RGS21: variants seen among roughly 807,000 people sequenced by gnomAD.
The protein encoded by RGS21 is regulator of G protein signaling 21.
A neutral mutation model predicts 18.7 loss-of-function variants in RGS21; 19 were observed. The observed-to-expected ratio is 1.01, with a 90% CI of 0.71 to 1.49. The LOEUF is 1.49. Ranked by LOEUF, RGS21 falls within the 40% of genes most tolerant of loss-of-function variation. The probability of loss-of-function intolerance (pLI) is 0.00; values close to 1 mark genes in which losing one functional copy is unlikely to be tolerated. For missense variants in RGS21, 194 were observed against 176.8 expected, an observed-to-expected ratio of 1.10 and a Z score of -0.55; for synonymous variants, 56 against 57.8, an observed-to-expected ratio of 0.97 and a Z score of 0.14.
intron 4 of RGS21, among the ~76,000 whole-genome samples, chr1:192,356,777 C>T (rs1229909773): frequency 1.3e-5 from 2 of 151,668 alleles, no homozygotes; most frequent in Non-Finnish European, 3.0e-5. Flanking sequence ...TTAAATACCA[C>T]TTCCTCTATA....
intron 4 of RGS21, among the ~76,000 whole-genome samples, chr1:192,354,108 A>C (rs759181307): frequency 2.0e-5 from 3 of 151,730 alleles, no homozygotes; most frequent in Non-Finnish European, 3.0e-5. Flanking sequence ...TCTATAGTTC[A>C]TCAGTTATGT....
At chr1:192,360,778 C>T (rs1341194250) in intron 4 of RGS21, among the ~76,000 whole-genome samples, 13 of 152,110 alleles carry the variant, frequency 8.5e-5, no homozygotes, top group Admixed American at 8.5e-4. Context: ...GTTTACCATT[C>T]CATGTGCAAG....
chr1:192,332,205 A>G (rs1658667679), intron 1 of RGS21, among the ~76,000 whole-genome samples: 1 of 152,166 alleles, frequency 6.6e-6, no homozygotes, highest in Admixed American at 6.5e-5. Context: ...AACTCAGTAA[A>G]TGAAAAAAGA....
intron 1 of RGS21, among the ~76,000 whole-genome samples, chr1:192,318,715 G>A (rs1658453177): frequency 6.6e-6 from 1 of 151,862 alleles, no homozygotes; most frequent in Non-Finnish European, 1.5e-5. Flanking sequence ...CTCAAGCTTG[G>A]AGGAAAAAAA....
At chr1:192,356,902 T>C (rs1209918650) in intron 4 of RGS21, among the ~76,000 whole-genome samples, 1 of 151,784 alleles carries the variant, frequency 6.6e-6, no homozygotes, top group Non-Finnish European at 1.5e-5. Context: ...TTTGTTAATT[T>C]TCTAGGTTTT....
rs112098369 is a variant in RGS21 at position 192,348,223 on chromosome 1, G to A, written c.88+834G>A. On this transcript the variant is annotated intron_variant, in intron 3 of 4. Transcript: ENST00000417209. ...GTATTTTTAGTAGAGACAGGTGTTC[G>A]CCACATTAGCCAGGCTGGTCTCGAA... is the stretch of plus-strand genomic sequence containing the variant. Among the ~76,000 whole-genome samples the A allele has an allele frequency of 4.1e-3, 624 of 151,538 alleles. 6 individuals are homozygous for A. The highest frequency in any genetic ancestry group is 0.014 in the African/African-American group (592 of 41,342).
At chr1:192,341,765 CTTT>C (rs11285643) in intron 1 of RGS21, among the ~76,000 whole-genome samples, 45 of 142,496 alleles carry the variant, frequency 3.2e-4, no homozygotes, top group Middle Eastern at 3.6e-3. Flanking sequence ...TTGCATGGTT[CTTT>C]TTTTTTTTTT....
Position 192,341,378 on chromosome 1 carries a change from T to A in RGS21, c.-60-1599T>A, listed in dbSNP as rs1427913049. 3.3e-5 allele frequency among the ~76,000 whole-genome samples: 5 copies of A among 152,062 alleles called. No individual in the cohort carries two copies. The South Asian group carries it at 6.2e-4, about 19-fold the overall frequency. On this transcript the variant is annotated intron_variant, in intron 1 of 4. Coordinates refer to ENST00000417209, the MANE Select transcript of RGS21 (RefSeq NM_001039152.3). ...TTATTACACTGTGCATAAGTTCTGA[T>A]AATGGAGCCTAAACCCACTGGACCA...
chr1:192,363,954 G>A (rs1659221123), intron 4 of RGS21, among the ~76,000 whole-genome samples: 1 of 152,028 alleles, frequency 6.6e-6, no homozygotes, highest in South Asian at 2.1e-4. Context: ...CCCAAATACA[G>A]CAGCATCTTG....
intron 4 of RGS21, among the ~76,000 whole-genome samples, chr1:192,359,787 T>TAC (rs1302932557): frequency 2.7e-5 from 4 of 149,870 alleles, no homozygotes; most frequent in Admixed American, 6.7e-5. Flanking sequence ...TCTCTCTATA[T>TAC]ATATATATAC....
chr1:192,355,770 AAAT>A lies in RGS21; in HGVS notation c.255+3565_255+3567del, dbSNP rs146558190. The stretch of plus-strand genomic sequence containing the variant: ...TAACTTTGAGAAAATAATATTTGAA[AAAT>A]AATAATATTTTCATATTCAGCTAAG... On this transcript the variant is annotated intron_variant, in intron 4 of 4. Transcript: ENST00000417209. Among the ~76,000 whole-genome samples, 840 of 151,372 alleles carry A rather than the reference AAAT, an allele frequency of 5.5e-3. 6 individuals are homozygous for A. The highest frequency in any genetic ancestry group is 0.019 in the African/African-American group (790 of 41,472).
At chr1:192,365,397 C>T (rs1442133025) in intron 4 of RGS21, among the ~76,000 whole-genome samples, 1 of 151,890 alleles carries the variant, frequency 6.6e-6, no homozygotes. Context: ...GATATATGTT[C>T]TGTGGGAGAG....
chr1:192,366,237 C>T lies in RGS21; in HGVS notation c.*113C>T. The T allele has an allele frequency of 5.9e-6, 4 of 679,828 alleles. No homozygotes were observed. Among genetic ancestry groups the T allele is most frequent in the Non-Finnish European group, 1.0e-5 (4 of 397,460 alleles). 42.1% of individuals were successfully genotyped at this position (679,828 alleles called of 1,614,324 possible). On this transcript the variant is annotated 3_prime_UTR_variant, in exon 5 of 5. Coordinates refer to ENST00000417209, the MANE Select transcript of RGS21 (RefSeq NM_001039152.3). ...TAGGATTTAGAAAACATTTTTTACCCAAACAGATGAATAACGTTTTATACA... is the reference window on the plus strand; with the variant it reads ...TAGGATTTAGAAAACATTTTTTACCTAAACAGATGAATAACGTTTTATACA...
intron 1 of RGS21, among the ~76,000 whole-genome samples, chr1:192,327,851 T>C (rs1239604651): frequency 1.3e-5 from 2 of 152,128 alleles, no homozygotes; most frequent in Non-Finnish European, 2.9e-5. Context: ...TTAGTAAATA[T>C]AGAAAGCCTG....
chr1:192,328,354 A>T (rs973659743), intron 1 of RGS21, among the ~76,000 whole-genome samples: 4 of 152,206 alleles, frequency 2.6e-5, no homozygotes, highest in Admixed American at 2.6e-4. Flanking sequence ...GGTTACCTAA[A>T]ATTAGTTGAT....
chr1:192,333,628 C>CA (rs376989840), intron 1 of RGS21, among the ~76,000 whole-genome samples: 1,513 of 102,288 alleles, frequency 0.015, 39 homozygotes, highest in East Asian at 0.036. Context: ...CTCAAAATGA[C>CA]AAAAAAAAAA....
chr1:192,326,335 CT>C (rs1658568315), intron 1 of RGS21, among the ~76,000 whole-genome samples: 1 of 152,090 alleles, frequency 6.6e-6, no homozygotes, highest in African/African-American at 2.4e-5. Flanking sequence ...CCAAATTAGA[CT>C]CTCTTAAAAC....
At chr1:192,342,935 C>A in intron 1 of RGS21, 42 bp from the exon 2 acceptor site, 1 of 1,147,694 alleles carries the variant, frequency 8.7e-7, no homozygotes, top group Non-Finnish European at 1.3e-6. Context: ...GATAGGTATT[C>A]GCATACTAAT....
At chr1:192,323,646 G>A (rs1172008374) in intron 1 of RGS21, among the ~76,000 whole-genome samples, 2 of 152,100 alleles carry the variant, frequency 1.3e-5, no homozygotes, top group Admixed American at 1.3e-4. Context: ...TGAGCATATA[G>A]ATGCTTAGAC....
Sources: allele counts gnomAD v4.1 joint callset (sites outside exome capture counted in the v4.1 genomes callset), GRCh38; gene constraint gnomAD v4.1.1; transcripts MANE v1.5; gene names NCBI Gene and HGNC (gene_info 2026-07-23, HGNC 2026-07-21).